DAB1: variants seen among roughly 807,000 people sequenced by gnomAD.
The protein encoded by DAB1 is disabled homolog 1.
DAB1 carries 15 observed loss-of-function variants against 64.6 expected under a neutral mutation model. That is an observed-to-expected ratio of 0.23 (90% confidence interval 0.16 to 0.36). DAB1 has a LOEUF of 0.36. DAB1 is among the 10% of genes least tolerant of loss of function. DAB1 has a pLI of 1.00. For missense variants in DAB1, 596 were observed against 706.7 expected (o/e 0.84, Z 1.78); for synonymous variants, 235 against 251.9 (o/e 0.93, Z 0.64).
intron 4 of DAB1, among the ~76,000 whole-genome samples, chr1:58,163,455 T>C (rs1194546831): frequency 6.6e-6 from 1 of 152,144 alleles, no homozygotes; most frequent in Non-Finnish European, 1.5e-5. Context: ...TCTATAAAGC[T>C]GGACAAAATT....
At chr1:58,064,846 C>T (rs533589175) in intron 5 of DAB1, among the ~76,000 whole-genome samples, 1 of 152,074 alleles carries the variant, frequency 6.6e-6, no homozygotes, top group Non-Finnish European at 1.5e-5. Flanking sequence ...CTCAGACTCT[C>T]CGAGTAGCAG....
At position 58,048,447 on chromosome 1, in the gene DAB1, C is replaced by T. The variant is rs1357503058; in HGVS notation, n.387+102064G>A. ...TTATAGCTGTCATAGCTGCCACTCC[C>T]GCCATAGCCACTGCCCTGGTTTCCA... is the stretch of plus-strand genomic sequence containing the variant. On this transcript the variant is annotated intron_variant and non_coding_transcript_variant, in intron 5 of 20. Transcript: ENST00000485760. 6.7e-6 allele frequency: 7 copies of T among 1,040,626 alleles called. No individual in the cohort carries two copies. The East Asian group carries it at 9.5e-5, about 14-fold the overall frequency. 64.5% of individuals were successfully genotyped at this position (1,040,626 alleles called of 1,614,324 possible). A position where few individuals can be genotyped will look rare whatever the true frequency, so the allele number is the denominator to read the frequency against.
chr1:57,975,779 G>T (rs1173753258), intron 5 of DAB1, among the ~76,000 whole-genome samples: 1 of 152,146 alleles, frequency 6.6e-6, no homozygotes, highest in Admixed American at 6.6e-5. Flanking sequence ...AAAACCACTG[G>T]TCTAGATGAA....
chr1:57,116,175 G>A (rs955771613), intron 4 of DAB1, among the ~76,000 whole-genome samples: 2 of 152,050 alleles, frequency 1.3e-5, no homozygotes, highest in Non-Finnish European at 2.9e-5. Context: ...TTAGAAAGCA[G>A]GTTGGGAGGC....
intron 6 of DAB1, among the ~76,000 whole-genome samples, chr1:57,782,395 T>C (rs1042175862): frequency 2.0e-5 from 3 of 152,172 alleles, no homozygotes; most frequent in Admixed American, 2.0e-4. Flanking sequence ...GGCTTAAATC[T>C]TCACTGCCAT....
chr1:58,297,276 G>A (rs553634243), intron 4 of DAB1, among the ~76,000 whole-genome samples: 4 of 152,184 alleles, frequency 2.6e-5, no homozygotes, highest in Non-Finnish European at 5.9e-5. Context: ...TAAAAGCTGA[G>A]ATGAGTATTT....
chr1:57,960,410 C>T (rs1470731250), intron 5 of DAB1, among the ~76,000 whole-genome samples: 1 of 150,800 alleles, frequency 6.6e-6, no homozygotes, highest in Non-Finnish European at 1.5e-5. Flanking sequence ...GTGCTTGGTA[C>T]ATTATACAAA....
chr1:58,234,021 G>A (rs910370837), intron 4 of DAB1, among the ~76,000 whole-genome samples: 4 of 152,196 alleles, frequency 2.6e-5, no homozygotes, highest in Non-Finnish European at 5.9e-5. Flanking sequence ...TCTTCAATTA[G>A]CAGAGCTGAA....
At chr1:57,136,739 A>C (rs897136733) in intron 3 of DAB1, 98 bp from the exon 4 acceptor site, 4 of 585,248 alleles carry the variant, frequency 6.8e-6, no homozygotes, top group Non-Finnish European at 8.5e-6. Context: ...CAATGCCACC[A>C]ATCATGCACA....
chr1:57,264,475 A>C (rs1670432203), intron 2 of DAB1, among the ~76,000 whole-genome samples: 1 of 152,220 alleles, frequency 6.6e-6, no homozygotes, highest in South Asian at 2.1e-4. Context: ...TCATATTTTC[A>C]AGGACAAATT....
In DAB1 at chr1:57,911,580, T is replaced by A. The variant is rs562373015; in HGVS notation, n.388-27418A>T. On this transcript the variant is annotated intron_variant and non_coding_transcript_variant, in intron 5 of 20. Coordinates refer to the DAB1 transcript ENST00000485760. ...TCAGCATCAGCCAAGTGGCACCCCA[T>A]CGGACCTCAGCTTCAGTCATACAGA... Among the ~76,000 whole-genome samples, 13 of 152,198 alleles carry A rather than the reference T, an allele frequency of 8.5e-5. No individual in the cohort carries two copies. In the South Asian group the frequency reaches 2.7e-3, roughly 32 times the overall value.
intron 6 of DAB1, among the ~76,000 whole-genome samples, chr1:57,740,104 C>T (rs1008869048): frequency 6.6e-6 from 1 of 150,408 alleles, no homozygotes; most frequent in Non-Finnish European, 1.5e-5. Flanking sequence ...GTCCCAGCTA[C>T]TCAGGAGGCT....
intron 2 of DAB1, among the ~76,000 whole-genome samples, chr1:57,246,710 A>C (rs962247158): frequency 4.6e-5 from 7 of 152,236 alleles, no homozygotes; most frequent in African/African-American, 1.7e-4. Context: ...ATGCCAGCCC[A>C]TAAGAGCAAC....
chr1:57,797,122 T>G (rs1650910774), intron 6 of DAB1, among the ~76,000 whole-genome samples: 1 of 152,210 alleles, frequency 6.6e-6, no homozygotes, highest in Non-Finnish European at 1.5e-5. Flanking sequence ...CCAATGTAGC[T>G]CCTGGCTTTG....
intron 7 of DAB1, among the ~76,000 whole-genome samples, chr1:57,500,238 A>C (rs1644275472): frequency 6.6e-6 from 1 of 152,286 alleles, no homozygotes; most frequent in African/African-American, 2.4e-5. Context: ...GGAATAAAGC[A>C]GACTAGATCG....
chr1:57,584,376 T>G (rs1038141215), intron 7 of DAB1, among the ~76,000 whole-genome samples: 1 of 152,238 alleles, frequency 6.6e-6, no homozygotes, highest in African/African-American at 2.4e-5. Flanking sequence ...GTTTTTCTTT[T>G]ATCAAATCAC....
At chr1:57,990,455 C>CGT (rs1646316080) in intron 5 of DAB1, among the ~76,000 whole-genome samples, 1 of 152,208 alleles carries the variant, frequency 6.6e-6, no homozygotes, top group African/African-American at 2.4e-5. Context: ...TAACTTTAAG[C>CGT]GTCTCACATA....
At chr1:57,906,055 C>T (rs12406340) in intron 5 of DAB1, among the ~76,000 whole-genome samples, 10,205 of 152,134 alleles carry the variant, frequency 0.067, 460 homozygotes, top group East Asian at 0.2. Flanking sequence ...TTTCTTAAAG[C>T]TAAGTATGTC....
intron 6 of DAB1, among the ~76,000 whole-genome samples, chr1:57,776,218 T>C (rs1649791772): frequency 6.6e-6 from 1 of 151,698 alleles, no homozygotes; most frequent in South Asian, 2.1e-4. Context: ...TCAGAGGAAA[T>C]GCTTATTGGA....
Sources: gnomAD v4.1 joint callset for allele counts (sites outside exome capture counted in the v4.1 genomes callset) on GRCh38, gnomAD v4.1.1 for gene constraint, MANE v1.5 for transcripts, NCBI Gene and HGNC (gene_info 2026-07-23, HGNC 2026-07-21) for gene names.